The following ATP1A3 variants were observed in gnomAD, a reference collection of about 807,000 sequenced individuals.
The protein encoded by ATP1A3 is sodium/potassium-transporting ATPase subunit alpha-3.
In ATP1A3, 12 loss-of-function variants were observed where a neutral mutation model predicts 108.8. That is an observed-to-expected ratio of 0.11 (90% confidence interval 0.07 to 0.18). The LOEUF (loss-of-function observed/expected upper bound fraction) is 0.18, where lower values mean the gene tolerates loss of function less well. Among genes scored for constraint, ATP1A3 ranks in the 10% least tolerant of loss-of-function variants. The pLI, the probability that ATP1A3 is intolerant of heterozygous loss-of-function variation, is 1.00. For synonymous variants in ATP1A3, 539 were observed against 564.5 expected (o/e 0.95, Z 0.64); for missense variants, 498 against 1,387.7 (o/e 0.36, Z 10.19).
rs1239063212 is a variant in ATP1A3 at position 41,967,235 on chromosome 19, C to A, written c.3013+14G>T. ...CCCCCCGCCCCCCTCGGCTGCCTTG[C>A]CGAGCTCCCTCACCCCCTGGGTTCC... On this transcript the variant is annotated intron_variant, in intron 22 of 22. Coordinates refer to ENST00000648268, the MANE Select transcript of ATP1A3 (RefSeq NM_152296.5). The surrounding 1 kb of genome is among the most constrained non-coding windows in gnomAD (Gnocchi z 4.2). 1 of 1,614,064 alleles carries A rather than the reference C, an allele frequency of 6.2e-7. No individual in the cohort carries two copies. Among genetic ancestry groups the A allele is most frequent in the South Asian group, 1.1e-5 (1 of 91,086 alleles).
intron 1 of ATP1A3, among the ~76,000 whole-genome samples, chr19:41,990,288 T>C (rs1458838575): frequency 6.6e-6 from 1 of 151,666 alleles, no homozygotes; most frequent in Non-Finnish European, 1.5e-5. Context: ...ATCTCCTCTC[T>C]ATCTCTGAAT....
In ATP1A3 at chr19:41,988,068, G is replaced by T; in HGVS notation, c.225C>A (p.Thr75=). ...DGPNALTPPP[T]TPEWVKFCRQ... is the part of the protein sequence containing the mutation. ...GGCAAAACTTGACCCACTCTGGGGT[G>T]GTAGGCGGTGGCGTGAGTGCGTTAG... is the stretch of plus-strand genomic sequence containing the variant. The change falls in exon 4 of 23, where the codon ACC becomes ACA. Residue 75 remains threonine (T), a synonymous_variant. Transcript: ENST00000648268. The surrounding 1 kb of genome is among the most constrained non-coding windows in gnomAD (Gnocchi z 5.3). 4 of 1,614,184 alleles carry T rather than the reference G, an allele frequency of 2.5e-6. No homozygotes were observed. Among genetic ancestry groups the T allele is most frequent in the Non-Finnish European group, 3.4e-6 (4 of 1,180,024 alleles).
In ATP1A3 at chr19:41,979,336, A is replaced by T. The variant is rs544653163; in HGVS notation, c.1438-538T>A. Among the ~76,000 whole-genome samples the T allele has an allele frequency of 1.5e-4, 22 of 149,522 alleles. No homozygotes were observed. The South Asian group carries it at 4.5e-3, about 30-fold the overall frequency. On this transcript the variant is annotated intron_variant, in intron 11 of 22. Transcript: ENST00000648268. ...TCCCACCCTGTTTTTTTTTTTTAAG[A>T]CAGGGTCTCACTCTGTCACCCAGGC...
At chr19:41,984,793 G>A (rs1035452203) in intron 8 of ATP1A3, 125 bp downstream of exon 8, 53 of 935,534 alleles carry the variant, frequency 5.7e-5, no homozygotes, top group Admixed American at 4.5e-4. Context: ...CCAGACACAC[G>A]GGTCCAGGCC....
At chr19:41,977,734 C>G (rs2075186864) in intron 14 of ATP1A3, among the ~76,000 whole-genome samples, 2 of 152,092 alleles carry the variant, frequency 1.3e-5, no homozygotes, top group African/African-American at 4.8e-5. Context: ...AAAATAAAGG[C>G]TGGGATGCAA....
intron 1 of ATP1A3, among the ~76,000 whole-genome samples, chr19:41,989,762 T>A (rs1045853191): frequency 1.3e-5 from 2 of 152,124 alleles, no homozygotes; most frequent in Non-Finnish European, 2.9e-5. Flanking sequence ...TGTCTCTTTA[T>A]CTCTCCATCT....
In ATP1A3 at chr19:41,976,435, A is replaced by G; in HGVS notation, c.2075T>C (p.Val692Ala). The G allele has an allele frequency of 6.2e-7, 1 of 1,613,960 alleles. No homozygotes were observed. Among genetic ancestry groups the G allele is most frequent in the Non-Finnish European group, 8.5e-7 (1 of 1,180,008 alleles). Residue 692 changes from valine (V) to alanine (A), a missense_variant, in exon 15 of 23, where the codon GTG (valine) becomes GCG (alanine). Transcript: ENST00000648268. ...GCCCACCTGTCTCTGACAGCCCTCC[A>G]CAATGATGAGCTTCTGCTGGGGGGA... ...RTSPQQKLII[V>A]EGCQRQGAIV...
At position 41,988,021 on chromosome 19, in the gene ATP1A3, G is replaced by C; in HGVS notation, c.272C>G (p.Ser91Cys). 1 of 1,614,166 alleles carries C rather than the reference G, an allele frequency of 6.2e-7. No homozygotes were observed. Among genetic ancestry groups the C allele is most frequent in the Non-Finnish European group, 8.5e-7 (1 of 1,180,030 alleles). ...GATAGCCCCGATCCACAGCAGGATGGAGAAGCCCCCGAAGAGCTGCCGGCA... is the reference window on the plus strand; with the variant it reads ...GATAGCCCCGATCCACAGCAGGATGCAGAAGCCCCCGAAGAGCTGCCGGCA... The part of the protein sequence containing the change: ...KFCRQLFGGF[S>C]ILLWIGAILC... The change falls in exon 4 of 23, where the codon TCC becomes TGC. Residue 91 changes from serine to cysteine, a missense_variant. Coordinates refer to ENST00000648268, the MANE Select transcript of ATP1A3 (RefSeq NM_152296.5). The surrounding 1 kb of genome is among the most constrained non-coding windows in gnomAD (Gnocchi z 5.3).
chr19:41,972,932 A>G, intron 16 of ATP1A3, among the ~76,000 whole-genome samples: 1 of 151,628 alleles, frequency 6.6e-6, no homozygotes, highest in East Asian at 2.0e-4. Context: ...GGGAAGGTGA[A>G]GCAGGCTGCC....
intron 4 of ATP1A3, among the ~76,000 whole-genome samples, chr19:41,987,720 A>G (rs545493057): frequency 6.6e-6 from 1 of 152,276 alleles, no homozygotes; most frequent in African/African-American, 2.4e-5. Flanking sequence ...CCCGGCTCAC[A>G]CATCCTGCTG....
intron 1 of ATP1A3, chr19:41,993,178 C>T (rs1229180025): frequency 1.4e-5 from 4 of 283,510 alleles, no homozygotes; most frequent in Middle Eastern, 4.3e-4. Flanking sequence ...CTCCTGATTC[C>T]CCCTCCCTTC....
chr19:41,975,871 A>G, intron 15 of ATP1A3, 74 bp from the exon 16 acceptor site: 1 of 1,592,674 alleles, frequency 6.3e-7, no homozygotes, highest in South Asian at 1.1e-5. Context: ...CCAGAAGCCC[A>G]GGACCCCAGC....
At chr19:41,977,678 G>A (rs1335318692) in intron 14 of ATP1A3, among the ~76,000 whole-genome samples, 4 of 152,096 alleles carry the variant, frequency 2.6e-5, no homozygotes, top group African/African-American at 9.7e-5. Context: ...CAGCCTGGGC[G>A]ACAGAGCAAG....
chr19:41,984,809 C>A, intron 8 of ATP1A3, 109 bp downstream of exon 8: 1 of 1,330,766 alleles, frequency 7.5e-7, no homozygotes, highest in Non-Finnish European at 1.0e-6. Context: ...AGGCCTCTAG[C>A]CCCTCCTCCC....
chr19:41,971,590 C>T (rs550652991), intron 16 of ATP1A3, among the ~76,000 whole-genome samples: 1 of 152,292 alleles, frequency 6.6e-6, no homozygotes, highest in Admixed American at 6.5e-5. Flanking sequence ...GCTACGGACA[C>T]AACTCCACAG....
chr19:41,985,737 C>G lies in ATP1A3; in HGVS notation c.606+127G>C, dbSNP rs2075280718. 7.0e-7 allele frequency: 1 copy of G among 1,424,008 alleles called. No individual in the cohort carries two copies. Among genetic ancestry groups the G allele is most frequent in the Admixed American group, 2.2e-5 (1 of 45,726 alleles). 88.2% of individuals were successfully genotyped at this position (1,424,008 alleles called of 1,614,324 possible). A position where few individuals can be genotyped will look rare whatever the true frequency, so the allele number is the denominator to read the frequency against. On this transcript the variant is annotated intron_variant, in intron 6 of 22. Coordinates refer to ENST00000648268, the MANE Select transcript of ATP1A3 (RefSeq NM_152296.5). This position sits in a 1 kb window ranked among gnomAD's most constrained non-coding sequence, Gnocchi z 8.2. ...GTCTGAGGGAGGAGGGCCTGGGGGC[C>G]TGGACTCCTGGGTCTGAGGGAGGAG...
chr19:41,989,646 G>A (rs563102020), intron 1 of ATP1A3, among the ~76,000 whole-genome samples: 1 of 152,082 alleles, frequency 6.6e-6, no homozygotes, highest in Non-Finnish European at 1.5e-5. Flanking sequence ...ATGTCTCCAC[G>A]TGTATCTCCA....
At position 41,988,336 on chromosome 19, in the gene ATP1A3, G is replaced by A. The variant is rs781859941; in HGVS notation, c.135C>T (p.Tyr45=). The change falls in exon 3 of 23, where the codon TAC becomes TAT. Residue 45 remains tyrosine, a synonymous_variant. Coordinates refer to ENST00000648268, the MANE Select transcript of ATP1A3 (RefSeq NM_152296.5). The surrounding 1 kb of genome is among the most constrained non-coding windows in gnomAD (Gnocchi z 5.3). Reference sequence around the variant, plus strand: ...GCCACACCTGCACACAGTCTGTGTTGTATTTCCGGCAGACCTCTTCCACTG... The same window carrying A: ...GCCACACCTGCACACAGTCTGTGTTATATTTCCGGCAGACCTCTTCCACTG... The part of the protein sequence containing the change: ...KMSVEEVCRK[Y]NTDCVQGLTH... The A allele has an allele frequency of 6.2e-7, 1 of 1,614,190 alleles. No homozygotes were observed. Among genetic ancestry groups the A allele is most frequent in the South Asian group, 1.1e-5 (1 of 91,084 alleles).
intron 1 of ATP1A3, among the ~76,000 whole-genome samples, chr19:41,991,487 C>T (rs2075338221): frequency 6.6e-6 from 1 of 152,112 alleles, no homozygotes; most frequent in Non-Finnish European, 1.5e-5. Flanking sequence ...GTGGTCTCAG[C>T]TTTGCCCGAT....
Sources: allele counts gnomAD v4.1 joint callset (sites outside exome capture counted in the v4.1 genomes callset), GRCh38; gene constraint gnomAD v4.1.1; non-coding constraint Gnocchi (gnomAD v3.1); transcripts MANE v1.5; gene names NCBI Gene and HGNC (gene_info 2026-07-23, HGNC 2026-07-21).